The following MCCC1 variants were observed in gnomAD, a reference collection of about 807,000 sequenced individuals.
The protein encoded by MCCC1 is methylcrotonoyl-CoA carboxylase subunit alpha, mitochondrial.
Under a neutral mutation model 83.8 loss-of-function variants are expected in MCCC1, and 64 were observed. The ratio of observed to expected loss-of-function variants is 0.76; its 90% CI spans 0.62 to 0.94. The LOEUF (loss-of-function observed/expected upper bound fraction) is 0.94. MCCC1 is among the 40% of genes least tolerant of loss of function. The pLI, the probability that MCCC1 is intolerant of heterozygous loss-of-function variation, is 0.00. For synonymous variants in MCCC1, 322 were observed against 315.4 expected (o/e 1.02, Z -0.22); for missense variants, 807 against 904.7 (o/e 0.89, Z 1.39).
chr3:183,030,230 C>T (rs1410437940), intron 14 of MCCC1, among the ~76,000 whole-genome samples: 2 of 152,184 alleles, frequency 1.3e-5, no homozygotes, highest in Non-Finnish European at 2.9e-5. Flanking sequence ...ATCGCTTGAA[C>T]CCGGGAGGCA....
chr3:183,101,147 G>A (rs1319220776), upstream of MCCC1, among the ~76,000 whole-genome samples: 1 of 152,252 alleles, frequency 6.6e-6, no homozygotes, highest in Non-Finnish European at 1.5e-5. Context: ...GGCAGGGCTC[G>A]GGACCTGCAG....
intron 1 of MCCC1, among the ~76,000 whole-genome samples, chr3:183,095,791 A>G (rs550021134): frequency 6.6e-5 from 10 of 152,320 alleles, no homozygotes; most frequent in South Asian, 2.1e-4. Context: ...AGATGAGACT[A>G]TAAGAGGTGA....
chr3:183,026,853 A>C (rs528903357), intron 14 of MCCC1, among the ~76,000 whole-genome samples: 1 of 152,364 alleles, frequency 6.6e-6, no homozygotes, highest in Non-Finnish European at 1.5e-5. Context: ...AAAATGTAAC[A>C]ATTATTAAAC....
intron 15 of MCCC1, 133 bp downstream of exon 15, chr3:183,025,622 A>G: frequency 1.2e-6 from 1 of 831,652 alleles, no homozygotes; most frequent in Non-Finnish European, 2.0e-6. Context: ...CTGAAATACA[A>G]GCATAAGATA....
chr3:183,091,240 G>A (rs1560279238), intron 3 of MCCC1, among the ~76,000 whole-genome samples: 1 of 152,166 alleles, frequency 6.6e-6, no homozygotes, highest in East Asian at 1.9e-4. Context: ...AACAGTGGGA[G>A]TCACCTATGC....
At chr3:183,088,300 G>A (rs772022541) in intron 3 of MCCC1, among the ~76,000 whole-genome samples, 4 of 150,712 alleles carry the variant, frequency 2.7e-5, no homozygotes, top group Non-Finnish European at 4.4e-5. Flanking sequence ...TCTGCCTCCC[G>A]GGTTCGAGCG....
At chr3:183,053,489 A>G (rs976031565) in intron 8 of MCCC1, among the ~76,000 whole-genome samples, 1 of 152,020 alleles carries the variant, frequency 6.6e-6, no homozygotes, top group African/African-American at 2.4e-5. Context: ...CCCCATCTCA[A>G]AAAATTTTAA....
At chr3:183,041,518 G>T in intron 11 of MCCC1, 49 bp downstream of exon 11, 2 of 1,588,404 alleles carry the variant, frequency 1.3e-6, no homozygotes, top group Non-Finnish European at 1.7e-6. Context: ...AAACAATAAT[G>T]TACTAAAAAC....
chr3:183,036,881 G>A (rs1363990577), intron 13 of MCCC1, among the ~76,000 whole-genome samples: 1 of 152,014 alleles, frequency 6.6e-6, no homozygotes, highest in Non-Finnish European at 1.5e-5. Context: ...CACCGTGTTA[G>A]CCAGGATGGT....
intron 9 of MCCC1, 54 bp from the exon 10 acceptor site, chr3:183,045,594 C>A: frequency 6.3e-7 from 1 of 1,591,796 alleles, no homozygotes; most frequent in Non-Finnish European, 8.6e-7. Context: ...AGTAGCAAAC[C>A]AAAATCTTCC....
intron 7 of MCCC1, among the ~76,000 whole-genome samples, chr3:183,067,966 A>G (rs1330494103): frequency 6.6e-6 from 1 of 152,144 alleles, no homozygotes; most frequent in Non-Finnish European, 1.5e-5. Context: ...CAACATACCG[A>G]TGCTTTCTAA....
rs1716772093 is a variant in MCCC1, at chr3:183,072,491, G to T, written c.370-4C>A. 3 of 1,613,366 alleles carry T rather than the reference G, an allele frequency of 1.9e-6. No homozygotes were observed. Among genetic ancestry groups the T allele is most frequent in the African/African-American group, 1.3e-5 (1 of 74,870 alleles). The stretch of plus-strand genomic sequence containing the variant: ...AACCGCATCCTGGATGGATAGCCTA[G>T]AAATGAGAAATAAAATAAAAAATTT... On this transcript the variant is annotated splice_polypyrimidine_tract_variant and splice_region_variant and intron_variant, in intron 4 of 18. Coordinates refer to ENST00000265594, the MANE Select transcript of MCCC1 (RefSeq NM_020166.5).
At chr3:183,086,649 A>C in intron 4 of MCCC1, 44 bp downstream of exon 4, 2 of 1,573,794 alleles carry the variant, frequency 1.3e-6, no homozygotes, top group Non-Finnish European at 1.7e-6. Context: ...TCAGTTGCAC[A>C]AAACGTATTC....
intron 4 of MCCC1, among the ~76,000 whole-genome samples, chr3:183,079,363 A>G (rs1237771867): frequency 6.6e-6 from 1 of 152,182 alleles, no homozygotes; most frequent in Non-Finnish European, 1.5e-5. Flanking sequence ...CTCCAAATGG[A>G]AGATATTGGC....
Position 183,081,900 on chromosome 3 carries a change from CAG to C in MCCC1, c.369+4791_369+4792del, listed in dbSNP as rs557808944. Among the ~76,000 whole-genome samples the C allele has an allele frequency of 9.3e-4, 142 of 152,200 alleles. 2 individuals are homozygous for C. The highest frequency in any genetic ancestry group is 3.3e-3 in the African/African-American group (135 of 41,524). Reference sequence around the variant, plus strand: ...GGACACAGCTTGGCTTGCTCATGCCCAGAGAGAGAAAGAGTTAAGCTGCTGAC... The same window carrying C: ...GGACACAGCTTGGCTTGCTCATGCCCAGAGAGAAAGAGTTAAGCTGCTGAC... On this transcript the variant is annotated intron_variant, in intron 4 of 18. Coordinates refer to ENST00000265594, the MANE Select transcript of MCCC1 (RefSeq NM_020166.5).
intron 7 of MCCC1, 97 bp from the exon 8 acceptor site, chr3:183,057,519 T>G (rs554655259): frequency 1.0e-6 from 1 of 993,786 alleles, no homozygotes; most frequent in East Asian, 2.6e-5. Flanking sequence ...CCAGGATTTC[T>G]CCATTTTTAC....
chr3:183,044,923 T>TGTTGTC (rs1413680455), intron 10 of MCCC1, among the ~76,000 whole-genome samples: 3 of 151,526 alleles, frequency 2.0e-5, no homozygotes, highest in Non-Finnish European at 4.4e-5. Context: ...TTGTTGTTGT[T>TGTTGTC]GTCGTTGTTG....
At chr3:183,044,540 A>G (rs532454462) in intron 10 of MCCC1, among the ~76,000 whole-genome samples, 22 of 152,270 alleles carry the variant, frequency 1.4e-4, no homozygotes, top group Admixed American at 3.9e-4. Context: ...ATTCTAGACC[A>G]TCTCCTTGGC....
intron 1 of MCCC1, among the ~76,000 whole-genome samples, chr3:183,095,040 T>C (rs548445889): frequency 1.0e-3 from 152 of 152,180 alleles, no homozygotes; most frequent in African/African-American, 3.4e-3. Context: ...TCCCAGCACT[T>C]TGGGAAGCCG....
Sources: allele counts gnomAD v4.1 joint callset (sites outside exome capture counted in the v4.1 genomes callset), GRCh38; gene constraint gnomAD v4.1.1; transcripts MANE v1.5; gene names NCBI Gene and HGNC (gene_info 2026-07-23, HGNC 2026-07-21).